The following GAPVD1 variants were observed in gnomAD, a reference collection of about 807,000 sequenced individuals.
GAPVD1 encodes the protein GTPase-activating protein and VPS9 domain-containing protein 1.
In GAPVD1, 35 loss-of-function variants were observed where a neutral mutation model predicts 155.5. The ratio of observed to expected loss-of-function variants is 0.23; its 90% confidence interval spans 0.17 to 0.30. GAPVD1 has a LOEUF of 0.30. GAPVD1 is among the 10% of genes least tolerant of loss of function. The pLI, the probability that GAPVD1 is intolerant of heterozygous loss-of-function variation, is 1.00. For synonymous variants in GAPVD1, 636 were observed against 619.7 expected, an observed-to-expected ratio of 1.03 and a Z score of -0.39; for missense variants, 1,429 against 1,775.7, an observed-to-expected ratio of 0.80 and a Z score of 3.51.
intron 2 of GAPVD1, among the ~76,000 whole-genome samples, chr9:125,273,457 G>A (rs551409865): frequency 6.6e-6 from 1 of 151,472 alleles, no homozygotes; most frequent in South Asian, 2.1e-4. Flanking sequence ...GTCTTCAGCA[G>A]GGAAGAGCTT....
chr9:125,303,548 G>A (rs1165992256), intron 5 of GAPVD1, among the ~76,000 whole-genome samples: 4 of 151,392 alleles, frequency 2.6e-5, no homozygotes, highest in African/African-American at 7.3e-5. Flanking sequence ...AGGCCGAGGC[G>A]GGCGGATCAC....
intron 1 of GAPVD1, among the ~76,000 whole-genome samples, chr9:125,266,628 C>T (rs1003172403): frequency 5.9e-5 from 9 of 151,772 alleles, no homozygotes; most frequent in African/African-American, 2.2e-4. Context: ...TCTATAATTT[C>T]TTTTGAGGAT....
chr9:125,303,121 T>C (rs1311535454), intron 5 of GAPVD1, among the ~76,000 whole-genome samples: 7 of 151,840 alleles, frequency 4.6e-5, no homozygotes, highest in Non-Finnish European at 7.4e-5. Context: ...GCCTCCCGGG[T>C]TCAAGCAATT....
In GAPVD1 at chr9:125,312,501, C is replaced by T; in HGVS notation, c.1491C>T (p.Asp497=). The T allele has an allele frequency of 6.2e-7, 1 of 1,606,056 alleles. No individual in the cohort carries two copies. Among genetic ancestry groups the T allele is most frequent in the South Asian group, 1.1e-5 (1 of 89,636 alleles). The stretch of plus-strand genomic sequence containing the variant: ...ATATGCTAATGGACCTACATATGGA[C>T]CATGAAGGATCATCTCAAGAAACCA... ...RTNMLMDLHM[D]HEGSSQETIQ... Residue 497 remains aspartate, a synonymous_variant, in exon 9 of 28, where the codon GAC becomes GAT. Transcript: ENST00000297933.
At chr9:125,296,800 C>T (rs1839961300) in intron 3 of GAPVD1, among the ~76,000 whole-genome samples, 1 of 151,984 alleles carries the variant, frequency 6.6e-6, no homozygotes, top group African/African-American at 2.4e-5. Flanking sequence ...GCTGGGATTG[C>T]AGCCACCTGC....
chr9:125,286,461 G>T (rs1837721448), intron 2 of GAPVD1, among the ~76,000 whole-genome samples: 1 of 151,416 alleles, frequency 6.6e-6, no homozygotes, highest in Admixed American at 6.6e-5. Flanking sequence ...GACCTTACAG[G>T]TTTTCAAAGT....
At chr9:125,271,260 C>T (rs1447660659) in intron 2 of GAPVD1, among the ~76,000 whole-genome samples, 1 of 151,952 alleles carries the variant, frequency 6.6e-6, no homozygotes, top group East Asian at 1.9e-4. Context: ...CTTGCTTGGT[C>T]TTGCTCCCTT....
At chr9:125,341,308 C>T (rs1847822265) in intron 18 of GAPVD1, 44 bp downstream of exon 18, 1 of 956,410 alleles carries the variant, frequency 1.0e-6, no homozygotes, top group Non-Finnish European at 1.6e-6. Flanking sequence ...CAATAAGAAG[C>T]AAAGCCCCAG....
At chr9:125,310,574 T>C (rs1027070011) in intron 8 of GAPVD1, among the ~76,000 whole-genome samples, 2 of 150,580 alleles carry the variant, frequency 1.3e-5, no homozygotes, top group African/African-American at 4.9e-5. Flanking sequence ...AGTCTAGCTC[T>C]TGTTGCCCAG....
At chr9:125,349,542 G>A (rs1849016275) in intron 21 of GAPVD1, 23 bp downstream of exon 21, 1 of 1,608,800 alleles carries the variant, frequency 6.2e-7, no homozygotes, top group South Asian at 1.1e-5. Context: ...TAGGATTTGG[G>A]ACTTTAGGGT....
At chr9:125,361,430 A>G (rs539588946) in intron 27 of GAPVD1, among the ~76,000 whole-genome samples, 19 of 152,126 alleles carry the variant, frequency 1.2e-4, no homozygotes, top group Non-Finnish European at 2.4e-4. Flanking sequence ...AGGTTGAGGC[A>G]GGAGAATCAC....
At chr9:125,346,433 G>A (rs1016519847) in intron 19 of GAPVD1, 2 of 261,184 alleles carry the variant, frequency 7.7e-6, no homozygotes, top group East Asian at 9.9e-5. Flanking sequence ...TCCTCCTTCA[G>A]CATAGAGATG....
chr9:125,316,268 A>G (rs1843410971), intron 9 of GAPVD1, among the ~76,000 whole-genome samples: 1 of 152,158 alleles, frequency 6.6e-6, no homozygotes, highest in African/African-American at 2.4e-5. Context: ...GGTTTGTTAC[A>G]TAGGTATACA....
rs1411780470 is a variant in GAPVD1, at chr9:125,355,845, T to TA, written c.3960dup (p.Leu1321ThrfsTer8). The TA allele has an allele frequency of 6.3e-7, 1 of 1,593,546 alleles. No homozygotes were observed. Among genetic ancestry groups the TA allele is most frequent in the African/African-American group, 1.3e-5 (1 of 74,502 alleles). On this transcript the variant is annotated frameshift_variant, in exon 25 of 28. Transcript: ENST00000297933. LOFTEE classifies it high-confidence loss of function. ...TTCTACCCTAATCAAGATGGGGACA[T>TA]ACTTCGCGACCAGTAAGTACTTCTA... is the stretch of plus-strand genomic sequence containing the variant.
chr9:125,353,430 TG>T (rs1480045503), intron 23 of GAPVD1, among the ~76,000 whole-genome samples: 1 of 152,236 alleles, frequency 6.6e-6, no homozygotes, highest in African/African-American at 2.4e-5. Context: ...TGTCTTCTTC[TG>T]AGCCCTCCAA....
intron 15 of GAPVD1, 82 bp downstream of exon 15, chr9:125,332,711 G>A: frequency 8.8e-7 from 1 of 1,142,018 alleles, no homozygotes; most frequent in Non-Finnish European, 1.3e-6. Flanking sequence ...GCTGGTGACA[G>A]CATCTGTTGG....
intron 4 of GAPVD1, among the ~76,000 whole-genome samples, chr9:125,300,519 AAT>A (rs755791804): frequency 2.6e-5 from 4 of 151,982 alleles, no homozygotes; most frequent in Non-Finnish European, 5.9e-5. Flanking sequence ...TGCTGTTGAG[AAT>A]ATAAGCCAGA....
chr9:125,346,223 C>A lies in GAPVD1; in HGVS notation c.3047-596C>A, dbSNP rs147060663. 235 of 155,998 alleles carry A rather than the reference C, an allele frequency of 1.5e-3. 2 individuals are homozygous for A. Among genetic ancestry groups the A allele is most frequent in the Non-Finnish European group, 1.9e-3 (137 of 70,520 alleles). 9.7% of individuals were successfully genotyped at this position (155,998 alleles called of 1,614,324 possible). On this transcript the variant is annotated intron_variant, in intron 19 of 27. Transcript: ENST00000297933. Reference sequence around the variant, plus strand: ...AGCACTCCCCAAGAATGTCTAGATTCTCTAGGAGTGCCTCTGACATCATTG... The same window carrying A: ...AGCACTCCCCAAGAATGTCTAGATTATCTAGGAGTGCCTCTGACATCATTG...
At chr9:125,275,014 T>C (rs1278819402) in intron 2 of GAPVD1, among the ~76,000 whole-genome samples, 3 of 152,242 alleles carry the variant, frequency 2.0e-5, no homozygotes, top group Non-Finnish European at 4.4e-5. Flanking sequence ...CGCTTAATGA[T>C]GTCTGATGGA....
Sources: gnomAD v4.1 joint callset for allele counts (sites outside exome capture counted in the v4.1 genomes callset) on GRCh38, gnomAD v4.1.1 for gene constraint, MANE v1.5 for transcripts, NCBI Gene and HGNC (gene_info 2026-07-23, HGNC 2026-07-21) for gene names.